CPB2: variants seen among roughly 807,000 people sequenced by gnomAD.
CPB2 encodes the protein carboxypeptidase B-like protein.
A neutral mutation model predicts 57.0 loss-of-function variants in CPB2; 54 were observed. The ratio of observed to expected loss-of-function variants is 0.95; its 90% CI spans 0.76 to 1.19. The LOEUF (loss-of-function observed/expected upper bound fraction) is 1.19, where lower values mean the gene tolerates loss of function less well. Ranked by LOEUF, CPB2 falls within the 50% of genes most tolerant of loss-of-function variation. The pLI is 0.00. For missense variants in CPB2, 426 were observed against 512.0 expected (o/e 0.83, Z 1.62); for synonymous variants, 189 against 178.1 (o/e 1.06, Z -0.49).
chr13:46,094,168 T>A (rs1208032336), intron 1 of CPB2, among the ~76,000 whole-genome samples: 1 of 152,174 alleles, frequency 6.6e-6, no homozygotes, highest in East Asian at 1.9e-4. Context: ...TGGAGTAGCG[T>A]AGTCACCCAG....
chr13:46,074,037 T>G, intron 5 of CPB2, 60 bp from the exon 6 acceptor site: 1 of 969,850 alleles, frequency 1.0e-6, no homozygotes, highest in Non-Finnish European at 1.6e-6. Context: ...GGATAATAAC[T>G]TTCATTTATA....
chr13:46,084,288 T>C lies in CPB2; in HGVS notation c.206A>G (p.His69Arg), dbSNP rs1211362993. ...ADLIVKKKQV[H>R]FFVNASDVDN... Reference sequence around the variant, plus strand: ...GACATCAGATGCATTTACAAAAAAATGGACTTGTTTTTTCTTCACAATAAG... The same window carrying C: ...GACATCAGATGCATTTACAAAAAAACGGACTTGTTTTTTCTTCACAATAAG... The change falls in exon 3 of 11, where the codon CAT becomes CGT. Residue 69 changes from histidine (H) to arginine (R), a missense_variant. Transcript: ENST00000181383. The C allele has an allele frequency of 6.2e-7, 1 of 1,614,134 alleles. No homozygotes were observed. The highest frequency in any genetic ancestry group is 2.2e-5 in the East Asian group (1 of 44,882).
At chr13:46,061,499 A>G (rs1260623156) in intron 8 of CPB2, among the ~76,000 whole-genome samples, 2 of 152,174 alleles carry the variant, frequency 1.3e-5, no homozygotes, top group Non-Finnish European at 2.9e-5. Context: ...CTCTAATCCA[A>G]TGTGACTGGT....
intron 8 of CPB2, among the ~76,000 whole-genome samples, chr13:46,063,114 A>C (rs2044799880): frequency 6.6e-6 from 1 of 152,186 alleles, no homozygotes; most frequent in Non-Finnish European, 1.5e-5. Context: ...TATGAAAAAT[A>C]ATGTTGAGTG....
intron 9 of CPB2, among the ~76,000 whole-genome samples, chr13:46,057,954 A>G (rs914819968): frequency 1.6e-5 from 1 of 64,064 alleles, no homozygotes; most frequent in African/African-American, 8.5e-5. Flanking sequence ...TTTTCTTAGG[A>G]AGCCCACGTG....
chr13:46,085,659 C>T (rs1192365687), intron 2 of CPB2, among the ~76,000 whole-genome samples: 1 of 152,212 alleles, frequency 6.6e-6, no homozygotes. Flanking sequence ...CCTTCTCCAG[C>T]TCCCGCCTCT....
At chr13:46,075,311 C>T (rs541083977) in intron 5 of CPB2, among the ~76,000 whole-genome samples, 1 of 152,292 alleles carries the variant, frequency 6.6e-6, no homozygotes, top group South Asian at 2.1e-4. Context: ...CTTAAGTTGT[C>T]TGGATTCGTT....
At chr13:46,087,914 G>A in intron 1 of CPB2, 94 bp from the exon 2 acceptor site, 1 of 782,342 alleles carries the variant, frequency 1.3e-6, no homozygotes, top group Non-Finnish European at 2.1e-6. Flanking sequence ...ATTGCAAAAG[G>A]GAAACAAAAT....
rs1259722459 is a variant in CPB2, at chr13:46,073,954, G to C, written c.510C>G (p.Ala170=). 2 of 1,587,902 alleles carry C rather than the reference G, an allele frequency of 1.3e-6. No individual in the cohort carries two copies. Among genetic ancestry groups the C allele is most frequent in the Admixed American group, 3.4e-5 (2 of 59,696 alleles). The part of the protein sequence containing the change: ...VLKVSGKEQA[A]KNAIWIDCGI... ...CACAGTCAATCCATATGGCATTTTT[G>C]GCTGCTTGTTCTTTTCCAGAAACCT... Residue 170 remains alanine (A), a synonymous_variant, in exon 6 of 11, where the codon GCC becomes GCG. Coordinates refer to ENST00000181383, the MANE Select transcript of CPB2 (RefSeq NM_001872.5).
rs17844171 is a variant in CPB2, at chr13:46,097,579, T to C, written c.74+7357A>G. Among the ~76,000 whole-genome samples, 887 of 152,272 alleles carry C rather than the reference T, an allele frequency of 5.8e-3. 15 individuals carry two copies. The highest frequency in any genetic ancestry group is 0.02 in the African/African-American group (831 of 41,542). On this transcript the variant is annotated intron_variant, in intron 1 of 10. Transcript: ENST00000181383. ...CTTTACAACAAGGGAATTGCAGAAATGGGTCCATTACCATGGAATCCACTT... is the reference window on the plus strand; with the variant it reads ...CTTTACAACAAGGGAATTGCAGAAACGGGTCCATTACCATGGAATCCACTT...
intron 6 of CPB2, among the ~76,000 whole-genome samples, chr13:46,068,985 A>G (rs2044897803): frequency 6.6e-6 from 1 of 152,170 alleles, no homozygotes; most frequent in African/African-American, 2.4e-5. Context: ...TTTTAAAATA[A>G]TAAAGCAAAT....
chr13:46,054,958 C>T (rs2044677049), intron 10 of CPB2, among the ~76,000 whole-genome samples: 1 of 151,672 alleles, frequency 6.6e-6, no homozygotes, highest in Admixed American at 6.6e-5. Flanking sequence ...ACCATGTTGG[C>T]CAGTCTGGTC....
intron 2 of CPB2, among the ~76,000 whole-genome samples, chr13:46,085,106 C>A (rs2045182515): frequency 6.6e-6 from 1 of 152,074 alleles, no homozygotes; most frequent in Non-Finnish European, 1.5e-5. Flanking sequence ...CACCTCGGCC[C>A]TCCAAAGTGC....
At chr13:46,057,251 T>C (rs1419587512) in intron 9 of CPB2, among the ~76,000 whole-genome samples, 1 of 152,208 alleles carries the variant, frequency 6.6e-6, no homozygotes, top group Non-Finnish European at 1.5e-5. Context: ...GGTGCTTTCC[T>C]TAACAGTTTT....
chr13:46,065,528 G>A (rs1439658125), intron 7 of CPB2, among the ~76,000 whole-genome samples: 1 of 150,354 alleles, frequency 6.7e-6, no homozygotes, highest in Admixed American at 6.7e-5. Context: ...TCGGGAGGCT[G>A]AGGCAAGAGA....
intron 9 of CPB2, among the ~76,000 whole-genome samples, chr13:46,057,416 TG>T (rs1277053913): frequency 1.3e-5 from 2 of 151,992 alleles, no homozygotes; most frequent in Non-Finnish European, 2.9e-5. Flanking sequence ...GAAAAAAAAA[TG>T]AGTCACTAAG....
chr13:46,067,080 A>G (rs531486982), intron 7 of CPB2, among the ~76,000 whole-genome samples: 2 of 152,236 alleles, frequency 1.3e-5, no homozygotes, highest in Admixed American at 1.3e-4. Flanking sequence ...AGATGAAACA[A>G]GACTGGTCAT....
intron 8 of CPB2, 73 bp from the exon 9 acceptor site, chr13:46,058,454 C>T (rs1317455009): frequency 6.1e-5 from 79 of 1,284,766 alleles, no homozygotes; most frequent in Middle Eastern, 2.0e-4. Flanking sequence ...TCCCAGACAA[C>T]GTATTCTCCT....
rs560664317 is a variant in CPB2, at chr13:46,055,547, A to G, written c.1087+215T>C. ...GATTGTGATAAATATGATTTCTTAA[A>G]TAGGATTTTGGCTTCTTTTTAGTAA... On this transcript the variant is annotated intron_variant, in intron 10 of 10. Coordinates refer to ENST00000181383, the MANE Select transcript of CPB2 (RefSeq NM_001872.5). Among the ~76,000 whole-genome samples, 277 of 152,298 alleles carry G rather than the reference A, an allele frequency of 1.8e-3. 1 individual carries two copies. Among genetic ancestry groups the G allele is most frequent in the Middle Eastern group, 0.01 (3 of 294 alleles).
Sources: allele counts gnomAD v4.1 joint callset (sites outside exome capture counted in the v4.1 genomes callset), GRCh38; gene constraint gnomAD v4.1.1; transcripts MANE v1.5; gene names NCBI Gene and HGNC (gene_info 2026-07-23, HGNC 2026-07-21).